HEATR5B: variants seen among roughly 807,000 people sequenced by gnomAD.
HEATR5B encodes the protein HEAT repeat-containing protein 5B.
Under a neutral mutation model 224.1 loss-of-function variants are expected in HEATR5B, and 156 were observed. The ratio of observed to expected loss-of-function variants is 0.70; its 90% CI spans 0.61 to 0.80. HEATR5B has a LOEUF of 0.80. Ranked by LOEUF, HEATR5B falls within the 30% of genes least tolerant of loss-of-function variation. The pLI is 0.00. For missense variants in HEATR5B, 2,323 were observed against 2,535.5 expected (o/e 0.92, Z 1.80); for synonymous variants, 1,027 against 893.0 (o/e 1.15, Z -2.68).
At chr2:37,081,490 C>A (rs1376569964) in intron 2 of HEATR5B, among the ~76,000 whole-genome samples, 1 of 152,062 alleles carries the variant, frequency 6.6e-6, no homozygotes, top group Non-Finnish European at 1.5e-5. Flanking sequence ...CCAACTGTTC[C>A]CAACAGGGAA....
At chr2:37,058,604 G>A (rs1388730283) in intron 13 of HEATR5B, 44 bp from the exon 14 acceptor site, 3 of 1,323,138 alleles carry the variant, frequency 2.3e-6, no homozygotes, top group Non-Finnish European at 2.2e-6. Flanking sequence ...ACCAGAATAA[G>A]TATTACTTAT....
At chr2:37,015,211 T>C (rs1668040689) in intron 26 of HEATR5B, among the ~76,000 whole-genome samples, 2 of 152,178 alleles carry the variant, frequency 1.3e-5, no homozygotes, top group South Asian at 2.1e-4. Context: ...ATTAGGAAAG[T>C]TAATTGGGAT....
At chr2:37,065,666 G>T in intron 9 of HEATR5B, 89 bp downstream of exon 9, 1 of 1,100,366 alleles carries the variant, frequency 9.1e-7, no homozygotes, top group South Asian at 1.5e-5. Flanking sequence ...TAATGATGAT[G>T]ATAAGCAACT....
At position 37,002,334 on chromosome 2, in the gene HEATR5B, A is replaced by C. The variant is rs1369606648; in HGVS notation, c.5289T>G (p.Ser1763=). 2.5e-5 allele frequency: 40 copies of C among 1,614,142 alleles called. No homozygotes were observed. The highest frequency in any genetic ancestry group is 3.4e-5 in the Non-Finnish European group (40 of 1,180,056). The part of the protein sequence containing the change: ...RLVAATVTIL[S]DLPSLCSPAG... ...CGGGTGAACAAAGGGATGGTAAATC[A>C]GAGAGTATGGTAACTGTGGCTGCCA... The change falls in exon 32 of 36, where the codon TCT becomes TCG. Residue 1763 remains serine, a synonymous_variant. Coordinates refer to ENST00000233099, the MANE Select transcript of HEATR5B (RefSeq NM_019024.3).
intron 13 of HEATR5B, 80 bp downstream of exon 13, chr2:37,058,808 A>C: frequency 1.1e-6 from 1 of 901,372 alleles, no homozygotes; most frequent in Non-Finnish European, 1.7e-6. Context: ...ATGATTCTAG[A>C]AGAAAGCACA....
intron 32 of HEATR5B, 43 bp from the exon 33 acceptor site, chr2:37,000,856 C>T: frequency 1.6e-6 from 2 of 1,283,646 alleles, no homozygotes; most frequent in Non-Finnish European, 2.2e-6. Flanking sequence ...CTATTCAGTT[C>T]CCATATTATA....
intron 11 of HEATR5B, 29 bp downstream of exon 11, chr2:37,061,910 A>G (rs1671302098): frequency 7.3e-7 from 1 of 1,369,682 alleles, no homozygotes; most frequent in African/African-American, 1.4e-5. Context: ...TTATAGCGTG[A>G]CAAAAATCCT....
chr2:37,041,881 T>C (rs777589044), intron 18 of HEATR5B, among the ~76,000 whole-genome samples: 8 of 151,742 alleles, frequency 5.3e-5, no homozygotes, highest in Non-Finnish European at 1.2e-4. Context: ...CCAAGACTTA[T>C]TTGAAATATT....
intron 20 of HEATR5B, 53 bp downstream of exon 20, chr2:37,040,276 T>G: frequency 7.1e-7 from 1 of 1,405,764 alleles, no homozygotes; most frequent in Non-Finnish European, 1.0e-6. Flanking sequence ...TTCAGGAAAT[T>G]TAAAGATACT....
rs755207221 is a variant in HEATR5B, at chr2:37,083,447, A to G, written c.-22-11T>C. 11 of 1,581,232 alleles carry G rather than the reference A, an allele frequency of 7.0e-6. No homozygotes were observed. The highest frequency in any genetic ancestry group is 6.9e-5 in the Admixed American group (4 of 58,214). On this transcript the variant is annotated splice_polypyrimidine_tract_variant and intron_variant, in intron 1 of 35. Transcript: ENST00000233099. ...GTTTGAAATTCACACCTTAAATTTAACAGAGTAAAAAATACTTGTAAGTAT... is the reference window on the plus strand; with the variant it reads ...GTTTGAAATTCACACCTTAAATTTAGCAGAGTAAAAAATACTTGTAAGTAT...
At chr2:37,074,192 G>A (rs546118506) in intron 5 of HEATR5B, among the ~76,000 whole-genome samples, 9 of 151,866 alleles carry the variant, frequency 5.9e-5, no homozygotes, top group East Asian at 1.9e-4. Flanking sequence ...GCATGGTGGC[G>A]GACGCCTGTA....
At chr2:37,020,154 C>T (rs1416405481) in intron 25 of HEATR5B, among the ~76,000 whole-genome samples, 2 of 152,230 alleles carry the variant, frequency 1.3e-5, no homozygotes, top group Non-Finnish European at 2.9e-5. Flanking sequence ...ATCCACCCAC[C>T]TCGGCCTCCC....
rs1558683965 is a variant in HEATR5B, at chr2:36,981,813, G to A, written c.5912-19C>T. The A allele has an allele frequency of 3.2e-6, 5 of 1,539,294 alleles. No individual in the cohort carries two copies. In the Admixed American group the frequency reaches 6.1e-5, roughly 19 times the overall value. ...TGGACTCCTGTAAATAATAAAGTAT[G>A]AAAAAAGATCACAAACATAAGGATT... On this transcript the variant is annotated intron_variant, in intron 35 of 35. Transcript: ENST00000233099.
chr2:37,072,085 C>A, intron 6 of HEATR5B, 25 bp downstream of exon 6: 1 of 1,595,136 alleles, frequency 6.3e-7, no homozygotes, highest in South Asian at 1.1e-5. Flanking sequence ...CTGTTATGGT[C>A]TAAATCAAGG....
chr2:37,046,764 G>C (rs1014888869), intron 18 of HEATR5B, among the ~76,000 whole-genome samples: 3 of 151,820 alleles, frequency 2.0e-5, no homozygotes, highest in African/African-American at 4.8e-5. Context: ...TAAGAAATGT[G>C]GCAGGCTGGG....
rs1667244334 is a variant in HEATR5B at position 37,003,800 on chromosome 2, T to A, written c.4906-114A>T. On this transcript the variant is annotated intron_variant, in intron 30 of 35. Transcript: ENST00000233099. ...AAAAAAGAAATCAGGTAGCTAAAAT[T>A]AAAATATAGGACTACGTAACAAATA... is the stretch of plus-strand genomic sequence containing the variant. The A allele has an allele frequency of 9.4e-6, 6 of 635,748 alleles. No homozygotes were observed. In the East Asian group the frequency reaches 1.9e-4, roughly 20 times the overall value. 39.4% of individuals were successfully genotyped at this position (635,748 alleles called of 1,614,324 possible). A position where few individuals can be genotyped will look rare whatever the true frequency, so the allele number is the denominator to read the frequency against.
rs1672169794 is a variant in HEATR5B, at chr2:37,075,477, G to A, written c.597+8C>T. The A allele has an allele frequency of 6.2e-7, 1 of 1,608,190 alleles. No homozygotes were observed. The highest frequency in any genetic ancestry group is 8.5e-7 in the Non-Finnish European group (1 of 1,176,886). ...AAGAGCAGTATTCTAAATTGGTCGAGTACTAACCTTGGCCACTGCACATCG... is the reference window on the plus strand; with the variant it reads ...AAGAGCAGTATTCTAAATTGGTCGAATACTAACCTTGGCCACTGCACATCG... On this transcript the variant is annotated splice_region_variant and intron_variant, in intron 5 of 35. Transcript: ENST00000233099.
At position 37,075,640 on chromosome 2, in the gene HEATR5B, C is replaced by T. The variant is rs754868774; in HGVS notation, c.448-6G>A. 5 of 1,604,808 alleles carry T rather than the reference C, an allele frequency of 3.1e-6. No individual in the cohort carries two copies. Among genetic ancestry groups the T allele is most frequent in the Non-Finnish European group, 4.3e-6 (5 of 1,175,410 alleles). On this transcript the variant is annotated splice_polypyrimidine_tract_variant and splice_region_variant and intron_variant, in intron 4 of 35. Coordinates refer to ENST00000233099, the MANE Select transcript of HEATR5B (RefSeq NM_019024.3). ...ATTTCACTTCGCCCTTGAGACTAGA[C>T]ATGTATACAAAACAAAACTATTTTG...
intron 2 of HEATR5B, among the ~76,000 whole-genome samples, chr2:37,080,694 C>T (rs1672502798): frequency 6.6e-6 from 1 of 151,330 alleles, no homozygotes; most frequent in Admixed American, 6.6e-5. Context: ...GTGGAGTAAA[C>T]ATTATCCTGG....
Sources: gnomAD v4.1 joint callset for allele counts (sites outside exome capture counted in the v4.1 genomes callset) on GRCh38, gnomAD v4.1.1 for gene constraint, MANE v1.5 for transcripts, NCBI Gene and HGNC (gene_info 2026-07-23, HGNC 2026-07-21) for gene names.